Variants in CABIN1 observed in about 807,000 individuals in gnomAD.
CABIN1 encodes the protein calcineurin binding protein 1.
Under a neutral mutation model 227.7 loss-of-function variants are expected in CABIN1, and 133 were observed. That is an observed-to-expected ratio of 0.58 (90% CI 0.51 to 0.67). The LOEUF is 0.67. CABIN1 is among the 30% of genes least tolerant of loss of function. The pLI is 0.00. For missense variants in CABIN1, 2,408 were observed against 2,852.5 expected (o/e 0.84, Z 3.55); for synonymous variants, 1,086 against 1,155.1 (o/e 0.94, Z 1.21).
intron 3 of CABIN1, 40 bp downstream of exon 3, chr22:24,036,221 A>G (rs970118482): frequency 7.3e-7 from 1 of 1,369,342 alleles, no homozygotes; most frequent in Non-Finnish European, 1.0e-6. Context: ...GGACCTTCTC[A>G]TTTCTATAGA....
intron 28 of CABIN1, among the ~76,000 whole-genome samples, chr22:24,124,181 T>G (rs971082705): frequency 6.6e-6 from 1 of 152,234 alleles, no homozygotes; most frequent in Non-Finnish European, 1.5e-5. Context: ...TCGATGAGAA[T>G]GATAGTGATA....
At chr22:24,164,016 C>T (rs562515870) in intron 29 of CABIN1, among the ~76,000 whole-genome samples, 5 of 152,322 alleles carry the variant, frequency 3.3e-5, no homozygotes, top group East Asian at 3.9e-4. Flanking sequence ...AGTTCCACCT[C>T]TAACAAATGG....
At chr22:24,112,564 C>G (rs1208491785) in intron 26 of CABIN1, among the ~76,000 whole-genome samples, 1 of 152,144 alleles carries the variant, frequency 6.6e-6, no homozygotes, top group Non-Finnish European at 1.5e-5. Flanking sequence ...TTGCTTGTTA[C>G]TCAGTGCATG....
At chr22:24,070,158 G>A (rs2039985695) in intron 16 of CABIN1, among the ~76,000 whole-genome samples, 1 of 152,210 alleles carries the variant, frequency 6.6e-6, no homozygotes, top group Non-Finnish European at 1.5e-5. Flanking sequence ...TGTTCTGAGA[G>A]TTCTTCCATG....
chr22:24,144,988 A>G (rs572606876), intron 29 of CABIN1, among the ~76,000 whole-genome samples: 2 of 152,218 alleles, frequency 1.3e-5, no homozygotes, highest in Non-Finnish European at 2.9e-5. Context: ...GAATGACAGG[A>G]GAGTGACGTT....
chr22:24,086,191 A>C (rs1249527288), intron 22 of CABIN1, among the ~76,000 whole-genome samples: 5 of 152,266 alleles, frequency 3.3e-5, no homozygotes, highest in African/African-American at 1.2e-4. Flanking sequence ...GTGATAGAGC[A>C]GACCTATCTA....
chr22:24,170,753 C>CCT (rs1556005488), intron 33 of CABIN1, among the ~76,000 whole-genome samples: 4 of 83,518 alleles, frequency 4.8e-5, no homozygotes, highest in African/African-American at 2.7e-4. Flanking sequence ...TAGCAAACTG[C>CCT]CCCCCCCCCC....
At chr22:24,037,849 C>T (rs1212170874) in intron 3 of CABIN1, among the ~76,000 whole-genome samples, 4 of 152,184 alleles carry the variant, frequency 2.6e-5, no homozygotes, top group Non-Finnish European at 5.9e-5. Context: ...TTCTGTCCAG[C>T]CGGTCTGTAA....
At chr22:24,087,849 C>G (rs71318948) in intron 23 of CABIN1, 136 bp downstream of exon 23, 25,217 of 1,175,198 alleles carry the variant, frequency 0.021, 391 homozygotes, top group South Asian at 0.033. Context: ...ACGAATCTCC[C>G]CATGAGGCTT....
intron 1 of CABIN1, among the ~76,000 whole-genome samples, chr22:24,032,649 T>C (rs1003185833): frequency 6.6e-6 from 1 of 152,242 alleles, no homozygotes; most frequent in Non-Finnish European, 1.5e-5. Flanking sequence ...TCAATACTTG[T>C]TATTTTCTGG....
intron 19 of CABIN1, among the ~76,000 whole-genome samples, chr22:24,078,968 A>G (rs1209352693): frequency 6.6e-6 from 1 of 151,670 alleles, no homozygotes; most frequent in Non-Finnish European, 1.5e-5. Flanking sequence ...ATAGTATGTA[A>G]CCTCTTGCAG....
chr22:24,077,850 G>A (rs2040546651), intron 19 of CABIN1, among the ~76,000 whole-genome samples: 2 of 152,168 alleles, frequency 1.3e-5, no homozygotes, highest in Non-Finnish European at 2.9e-5. Flanking sequence ...AGGGGCAACA[G>A]GATGGTCCTA....
At chr22:24,011,779 G>A (rs1027037771) in intron 1 of CABIN1, 1 of 152,282 alleles carries the variant, frequency 6.6e-6, no homozygotes, top group Admixed American at 6.5e-5. Context: ...GAGGCCGCGG[G>A]TAGGTGAAAT....
chr22:24,018,372 A>G (rs1427542213), intron 1 of CABIN1, among the ~76,000 whole-genome samples: 1 of 152,136 alleles, frequency 6.6e-6, no homozygotes, highest in East Asian at 1.9e-4. Flanking sequence ...GCCCTTCTCT[A>G]CTACGTAATA....
intron 18 of CABIN1, 99 bp from the exon 19 acceptor site, chr22:24,076,070 G>T (rs2040418274): frequency 2.5e-5 from 18 of 720,914 alleles, no homozygotes; most frequent in Non-Finnish European, 3.7e-5. Flanking sequence ...TGTTGATAAA[G>T]ACAGAAAAGC....
chr22:24,097,965 A>G, intron 25 of CABIN1, 49 bp from the exon 26 acceptor site: 1 of 1,609,070 alleles, frequency 6.2e-7, no homozygotes, highest in Admixed American at 1.7e-5. Flanking sequence ...CATCTGTTTC[A>G]ATGTGAGGTG....
chr22:24,078,399 ATGAAGGT>A (rs2040581308), intron 19 of CABIN1, among the ~76,000 whole-genome samples: 1 of 152,230 alleles, frequency 6.6e-6, no homozygotes, highest in Non-Finnish European at 1.5e-5. Flanking sequence ...ATGGAGGGTT[ATGAAGGT>A]TGAATGCTTC....
At chr22:24,150,463 C>G (rs1453664972) in intron 29 of CABIN1, among the ~76,000 whole-genome samples, 1 of 152,168 alleles carries the variant, frequency 6.6e-6, no homozygotes, top group Non-Finnish European at 1.5e-5. Context: ...GGAGGGCAGA[C>G]TAGGCCAGTC....
At chr22:24,138,260 G>T (rs541360247) in intron 29 of CABIN1, among the ~76,000 whole-genome samples, 3 of 152,294 alleles carry the variant, frequency 2.0e-5, no homozygotes, top group Admixed American at 2.0e-4. Flanking sequence ...GTGACCAAAT[G>T]GGGGGCAGAT....
Sources: gnomAD v4.1 joint callset for allele counts (sites outside exome capture counted in the v4.1 genomes callset) on GRCh38, gnomAD v4.1.1 for gene constraint, MANE v1.5 for transcripts, NCBI Gene and HGNC (gene_info 2026-07-23, HGNC 2026-07-21) for gene names.